The following SPON2 variants were observed in gnomAD, a reference collection of about 807,000 sequenced individuals.
SPON2 encodes the protein spondin-2.
Under a neutral mutation model 29.9 loss-of-function variants are expected in SPON2, and 32 were observed. That is an observed-to-expected ratio of 1.07 (90% CI 0.81 to 1.44). The LOEUF (loss-of-function observed/expected upper bound fraction) is 1.44. SPON2 is among the 40% of genes most tolerant of loss of function. The pLI, the probability that SPON2 is intolerant of heterozygous loss-of-function variation, is 0.00. For missense variants in SPON2, 541 were observed against 455.5 expected (o/e 1.19, Z -1.71); for synonymous variants, 248 against 209.1 (o/e 1.19, Z -1.61).
Position 1,167,366 on chromosome 4 carries a change from C to A in SPON2, c.*106G>T. On this transcript the variant is annotated 3_prime_UTR_variant, in exon 6 of 6. Transcript: ENST00000290902. ...GGCGCGGCCTCACCGCGGTCAGGAGCAGCGCGAAACCCCCTGTGCCCTCGG... is the reference window on the plus strand; with the variant it reads ...GGCGCGGCCTCACCGCGGTCAGGAGAAGCGCGAAACCCCCTGTGCCCTCGG... 1.6e-6 allele frequency: 2 copies of A among 1,227,336 alleles called. No individual in the cohort carries two copies. The highest frequency in any genetic ancestry group is 2.3e-6 in the Non-Finnish European group (2 of 880,292). 76.0% of individuals were successfully genotyped at this position (1,227,336 alleles called of 1,614,324 possible).
intron 4 of SPON2, 133 bp downstream of exon 4, chr4:1,170,866 G>A (rs746961118): frequency 7.8e-7 from 1 of 1,287,608 alleles, no homozygotes. Flanking sequence ...GCTGGCGCTA[G>A]AAGCAGAGCC....
At chr4:1,170,905 T>A in intron 4 of SPON2, 94 bp downstream of exon 4, 1 of 1,485,614 alleles carries the variant, frequency 6.7e-7, no homozygotes. Context: ...CAAGCGGCTG[T>A]CCTGGGCTGG....
upstream of SPON2, among the ~76,000 whole-genome samples, chr4:1,195,939 C>T (rs376150942): frequency 2.4e-4 from 37 of 152,322 alleles, no homozygotes; most frequent in African/African-American, 8.7e-4. Flanking sequence ...GGCCACGCGC[C>T]TTGTTGAGTT....
intron 1 of SPON2, chr4:1,201,007 C>T (rs1314074111): frequency 2.2e-6 from 1 of 456,734 alleles, no homozygotes; most frequent in Non-Finnish European, 4.4e-6. Context: ...CCCGTGTGGA[C>T]TGTTCCCACC....
chr4:1,167,561 G>C lies in SPON2; in HGVS notation c.907C>G (p.Arg303Gly), dbSNP rs996168707. The C allele has an allele frequency of 2.5e-6, 4 of 1,613,612 alleles. No homozygotes were observed. Among genetic ancestry groups the C allele is most frequent in the Non-Finnish European group, 3.4e-6 (4 of 1,180,000 alleles). Reference protein sequence around the residue: ...CGRLGTKSRTRYVRVQPANNG... With the variant: ...CGRLGTKSRTGYVRVQPANNG... ...TTGGCGGGCTGGACCCGGACGTAGC[G>C]AGTCCTGCTCTTGGTCCCGAGCCTC... Residue 303 changes from arginine to glycine, a missense_variant, in exon 6 of 6, where the codon CGC (arginine) becomes GGC (glycine). By Grantham distance (125) the Arg-to-Gly change is moderately radical. Coordinates refer to ENST00000290902, the MANE Select transcript of SPON2 (RefSeq NM_012445.4).
upstream of SPON2, among the ~76,000 whole-genome samples, chr4:1,173,442 C>T (rs28578449): frequency 0.14 from 22,008 of 152,180 alleles, 1,863 homozygotes; most frequent in African/African-American, 0.23. Context: ...TGCAGGCCGG[C>T]GGTGTGTGCG....
At chr4:1,171,639 C>T in intron 2 of SPON2, 153 bp from the exon 3 acceptor site, 2 of 864,964 alleles carry the variant, frequency 2.3e-6, no homozygotes, top group East Asian at 2.7e-5. Context: ...GCTGCCCCTG[C>T]CGCGACCCAC....
At chr4:1,173,293 T>G (rs977187806), upstream of SPON2, 2 of 152,562 alleles carry the variant, frequency 1.3e-5, no homozygotes, top group African/African-American at 4.8e-5. Context: ...GTCTGCACTG[T>G]GGCCAGAGGG....
In SPON2 at chr4:1,202,380, G is replaced by A. The variant is rs1728233361; in HGVS notation, c.-234+5500C>T. ...GGTCTAAGTTTCAGCCTGAGCTTTA[G>A]AGGACGGAAACGTTCCAACCACGGC... On this transcript the variant is annotated intron_variant, in intron 1 of 3. Coordinates refer to the SPON2 transcript ENST00000509233. The surrounding 1 kb of genome is among the most constrained non-coding windows in gnomAD (Gnocchi z 5.4). 6.6e-6 allele frequency among the ~76,000 whole-genome samples: 1 copy of A among 152,222 alleles called. No individual in the cohort carries two copies. Among genetic ancestry groups the A allele is most frequent in the Non-Finnish European group, 1.5e-5 (1 of 68,040 alleles).
In SPON2 at chr4:1,167,347, G is replaced by T; in HGVS notation, c.*125C>A. The T allele has an allele frequency of 9.9e-7, 1 of 1,009,028 alleles. No homozygotes were observed. Among genetic ancestry groups the T allele is most frequent in the East Asian group, 2.5e-5 (1 of 40,552 alleles). 62.5% of individuals were successfully genotyped at this position (1,009,028 alleles called of 1,614,324 possible). ...CTTCAGTGCAGAGATGGTCGGCGCG[G>T]CCTCACCGCGGTCAGGAGCAGCGCG... On this transcript the variant is annotated 3_prime_UTR_variant, in exon 6 of 6. Transcript: ENST00000290902.
chr4:1,198,888 T>C (rs2108677923), upstream of SPON2: 1 of 151,906 alleles, frequency 6.6e-6, no homozygotes, highest in East Asian at 1.9e-4. Context: ...TCCACAATAG[T>C]GGCCAAGATC....
chr4:1,204,626 T>C (rs1290547509), intron 1 of SPON2, among the ~76,000 whole-genome samples: 1 of 152,204 alleles, frequency 6.6e-6, no homozygotes, highest in Admixed American at 6.5e-5. Context: ...CAGAATTTCC[T>C]TAGTTTTCTT....
chr4:1,190,725 A>G (rs923093343), intron 1 of SPON2, among the ~76,000 whole-genome samples: 2 of 152,248 alleles, frequency 1.3e-5, no homozygotes, highest in African/African-American at 4.8e-5. Context: ...TCAGAAATCC[A>G]TGCAAAAACA....
At chr4:1,206,604 A>G (rs2108685238) in intron 1 of SPON2, among the ~76,000 whole-genome samples, 1 of 152,220 alleles carries the variant, frequency 6.6e-6, no homozygotes, top group Non-Finnish European at 1.5e-5. Flanking sequence ...GGGAACGGGG[A>G]CCCAGCGGGC....
rs2153076241 is a variant in SPON2 at position 1,167,302 on chromosome 4, G to C, written c.*170C>G. On this transcript the variant is annotated 3_prime_UTR_variant, in exon 6 of 6. Coordinates refer to ENST00000290902, the MANE Select transcript of SPON2 (RefSeq NM_012445.4). ...AGGAGGAGGCTGTTTCCCAATGCCC[G>C]TGCCGGCCACCAGAGGGCCCTTCAG... 1 of 642,908 alleles carries C rather than the reference G, an allele frequency of 1.6e-6. No individual in the cohort carries two copies. The highest frequency in any genetic ancestry group is 2.4e-5 in the South Asian group (1 of 41,480). 39.8% of individuals were successfully genotyped at this position (642,908 alleles called of 1,614,324 possible).
chr4:1,190,655 C>T (rs928273968), intron 1 of SPON2, among the ~76,000 whole-genome samples: 3 of 152,076 alleles, frequency 2.0e-5, no homozygotes, highest in African/African-American at 7.2e-5. Flanking sequence ...GCCAGGTTGG[C>T]AAGGAAGAAG....
At chr4:1,172,175 C>T in intron 1 of SPON2, 101 bp from the exon 2 acceptor site, 1 of 982,178 alleles carries the variant, frequency 1.0e-6, no homozygotes, top group Non-Finnish European at 1.5e-6. Flanking sequence ...GAGGACGGCC[C>T]CGAGCACCCG....
rs962039201 is a variant in SPON2 at position 1,188,556 on chromosome 4, C to T, written c.-239+6434G>A. On this transcript the variant is annotated intron_variant, in intron 1 of 3. Coordinates refer to the SPON2 transcript ENST00000502483. ...GACAATATGAAAGAAAACAGACCTT[C>T]GGACAAAAGTTGTTAAAACAGACAA... Among the ~76,000 whole-genome samples, 8 of 152,220 alleles carry T rather than the reference C, an allele frequency of 5.3e-5. No homozygotes were observed. In the East Asian group the frequency reaches 5.8e-4, roughly 11 times the overall value.
Position 1,171,232 on chromosome 4 carries a change from G to A in SPON2, c.444+31C>T, listed in dbSNP as rs1040596253. The A allele has an allele frequency of 2.4e-5, 35 of 1,431,720 alleles. No individual in the cohort carries two copies. The African/African-American group carries it at 4.7e-4, about 19-fold the overall frequency. The allele number at this position is 1,431,720 out of a possible 1,614,324, so 88.7% of individuals were successfully genotyped here. A position where few individuals can be genotyped will look rare whatever the true frequency, so the allele number is the denominator to read the frequency against. ...TCAGCGCGCCTGGCCCCGGCCCCCC[G>A]GACCCCGCCCCCGGCCGGCCCCGCG... is the stretch of plus-strand genomic sequence containing the variant. On this transcript the variant is annotated intron_variant, in intron 3 of 5. Transcript: ENST00000290902.
Sources: allele counts gnomAD v4.1 joint callset (sites outside exome capture counted in the v4.1 genomes callset), GRCh38; gene constraint gnomAD v4.1.1; non-coding constraint Gnocchi (gnomAD v3.1); transcripts MANE v1.5; gene names NCBI Gene and HGNC (gene_info 2026-07-23, HGNC 2026-07-21).